PSMD1: variants seen among roughly 807,000 people sequenced by gnomAD.
PSMD1 encodes proteasome 26S subunit, non-ATPase 1, also known as 26S proteasome non-ATPase regulatory subunit 1.
PSMD1 carries 18 observed loss-of-function variants against 119.0 expected under a neutral mutation model. The ratio of observed to expected loss-of-function variants is 0.15; its 90% CI spans 0.10 to 0.22. PSMD1 has a LOEUF of 0.22. Among genes scored for constraint, PSMD1 ranks in the 10% least tolerant of loss-of-function variants. PSMD1 has a pLI of 1.00. For synonymous variants in PSMD1, 374 were observed against 396.6 expected, an observed-to-expected ratio of 0.94 and a Z score of 0.68; for missense variants, 702 against 1,158.5, an observed-to-expected ratio of 0.61 and a Z score of 5.72.
intron 16 of PSMD1, among the ~76,000 whole-genome samples, chr2:231,105,150 G>A (rs896232921): frequency 2.6e-5 from 4 of 152,060 alleles, no homozygotes; most frequent in Non-Finnish European, 5.9e-5. Context: ...GGGTGTTACA[G>A]TATTTTATTT....
At chr2:231,125,313 A>C (rs1695692657) in intron 16 of PSMD1, among the ~76,000 whole-genome samples, 2 of 152,188 alleles carry the variant, frequency 1.3e-5, no homozygotes, top group South Asian at 2.1e-4. Flanking sequence ...AGCTTCAGAT[A>C]GTTTTGTTTG....
intron 16 of PSMD1, among the ~76,000 whole-genome samples, chr2:231,100,027 C>T (rs945886395): frequency 6.6e-6 from 1 of 151,990 alleles, no homozygotes; most frequent in Non-Finnish European, 1.5e-5. Context: ...GCTGAGAGCT[C>T]GGGTTATTCC....
rs1325855447 is a variant in PSMD1 at position 231,072,326 on chromosome 2, A to G, written c.792A>G (p.Val264=). 4 of 1,614,086 alleles carry G rather than the reference A, an allele frequency of 2.5e-6. No homozygotes were observed. The South Asian group carries it at 4.4e-5, about 18-fold the overall frequency. ...ESASQQFLSS[V]IQNLRTVGTP... ...CTAGCCAGCAGTTTTTGTCATCTGT[A>G]ATCCAGAATCTTCGAACTGTTGGCA... is the stretch of plus-strand genomic sequence containing the variant. The change falls in exon 7 of 25, where the codon GTA becomes GTG. Residue 264 remains valine, a synonymous_variant. Transcript: ENST00000308696.
Position 231,062,789 on chromosome 2 carries a change from T to C in PSMD1, c.304+114T>C, listed in dbSNP as rs1413185340. On this transcript the variant is annotated intron_variant, in intron 4 of 24. Transcript: ENST00000308696. Reference sequence around the variant, plus strand: ...TGCCAAATTTCATTTTAATTGGAAGTTCCTAATCTTTCTATAATAATTTTA... The same window carrying C: ...TGCCAAATTTCATTTTAATTGGAAGCTCCTAATCTTTCTATAATAATTTTA... 3 of 873,006 alleles carry C rather than the reference T, an allele frequency of 3.4e-6. No individual in the cohort carries two copies. The African/African-American group carries it at 5.2e-5, about 15-fold the overall frequency. 54.1% of individuals were successfully genotyped at this position (873,006 alleles called of 1,614,324 possible). A position where few individuals can be genotyped will look rare whatever the true frequency, so the allele number is the denominator to read the frequency against.
rs527835640 is a variant in PSMD1 at position 231,149,608 on chromosome 2, C to T, written c.2115+3252C>T. ...ATTACCAGTATTACTTGGCCTAAGG[C>T]CTGGTACAGGAAAGCTTCTCCTATC... is the stretch of plus-strand genomic sequence containing the variant. On this transcript the variant is annotated intron_variant, in intron 18 of 24. Transcript: ENST00000308696. Among the ~76,000 whole-genome samples, 64 of 152,314 alleles carry T rather than the reference C, an allele frequency of 4.2e-4. 1 individual carries two copies. Among genetic ancestry groups the T allele is most frequent in the African/African-American group, 1.5e-3 (62 of 41,566 alleles).
At chr2:231,111,228 A>G (rs1480522093) in intron 16 of PSMD1, among the ~76,000 whole-genome samples, 1 of 152,136 alleles carries the variant, frequency 6.6e-6, no homozygotes, top group Non-Finnish European at 1.5e-5. Context: ...AGCCATCTAC[A>G]AGTCTACTTA....
intron 20 of PSMD1, 115 bp downstream of exon 20, chr2:231,161,624 A>T (rs1312997712): frequency 1.7e-6 from 2 of 1,156,068 alleles, no homozygotes; most frequent in Non-Finnish European, 2.5e-6. Context: ...AACATCTTAT[A>T]ATAACATTTT....
intron 19 of PSMD1, among the ~76,000 whole-genome samples, chr2:231,160,310 G>T (rs1696607868): frequency 6.6e-6 from 1 of 152,128 alleles, no homozygotes; most frequent in Admixed American, 6.5e-5. Context: ...ATGGTTACAG[G>T]GCTAGTTAAT....
chr2:231,114,103 C>G (rs1695252513), intron 16 of PSMD1, among the ~76,000 whole-genome samples: 1 of 152,150 alleles, frequency 6.6e-6, no homozygotes, highest in South Asian at 2.1e-4. Flanking sequence ...TTCAATATTT[C>G]TGTGGATGGT....
At chr2:231,062,167 C>A in intron 2 of PSMD1, 81 bp from the exon 3 acceptor site, 1 of 878,532 alleles carries the variant, frequency 1.1e-6, no homozygotes. Flanking sequence ...AGGATTTGAT[C>A]ATTGATTTGC....
At chr2:231,083,104 C>G (rs1052951462) in intron 13 of PSMD1, 110 bp downstream of exon 13, 4 of 849,716 alleles carry the variant, frequency 4.7e-6, no homozygotes, top group Admixed American at 2.8e-5. Flanking sequence ...ATGGATTTCT[C>G]TAGTTGAAGA....
At chr2:231,082,736 C>A in intron 12 of PSMD1, 147 bp from the exon 13 acceptor site, 2 of 609,480 alleles carry the variant, frequency 3.3e-6, no homozygotes, top group Non-Finnish European at 2.9e-6. Context: ...GAGTTTATCA[C>A]TGACCTTTTG....
chr2:231,087,640 T>C (rs977002767), intron 16 of PSMD1, among the ~76,000 whole-genome samples: 2 of 152,168 alleles, frequency 1.3e-5, no homozygotes, highest in African/African-American at 4.8e-5. Context: ...GGAGATGTCC[T>C]TGGCAGTATG....
chr2:231,130,514 A>G (rs931574609), intron 16 of PSMD1, among the ~76,000 whole-genome samples: 1 of 152,200 alleles, frequency 6.6e-6, no homozygotes, highest in Non-Finnish European at 1.5e-5. Context: ...TCTGTTGCCC[A>G]GGCTGTAGTG....
chr2:231,107,511 A>G (rs911633029), intron 16 of PSMD1, among the ~76,000 whole-genome samples: 3 of 152,216 alleles, frequency 2.0e-5, no homozygotes. Flanking sequence ...AGTGCCTTCT[A>G]TGTACTCATC....
chr2:231,150,526 T>C (rs1343543168), intron 18 of PSMD1, among the ~76,000 whole-genome samples: 1 of 152,086 alleles, frequency 6.6e-6, no homozygotes, highest in African/African-American at 2.4e-5. Flanking sequence ...GGTTTGTTTG[T>C]TTTTCAAGAC....
At chr2:231,108,723 TA>T in intron 16 of PSMD1, 1 of 1,614,132 alleles carries the variant, frequency 6.2e-7, no homozygotes, top group Non-Finnish European at 8.5e-7. Context: ...AAGTAGATCT[TA>T]CTGGAGCGTT....
chr2:231,096,817 G>C (rs1014267743), intron 16 of PSMD1, among the ~76,000 whole-genome samples: 22 of 152,272 alleles, frequency 1.4e-4, no homozygotes, highest in African/African-American at 5.3e-4. Context: ...AATTCTGATT[G>C]GCTAACTTAA....
intron 1 of PSMD1, chr2:231,060,326 A>G (rs534550665): frequency 7.2e-5 from 11 of 152,298 alleles, no homozygotes; most frequent in African/African-American, 2.2e-4. Flanking sequence ...TGCTTAAGCT[A>G]TTTGGCAAAC....
Sources: gnomAD v4.1 joint callset for allele counts (sites outside exome capture counted in the v4.1 genomes callset) on GRCh38, gnomAD v4.1.1 for gene constraint, MANE v1.5 for transcripts, NCBI Gene and HGNC (gene_info 2026-07-23, HGNC 2026-07-21) for gene names.